COL6A1: variants seen among roughly 807,000 people sequenced by gnomAD.
The protein encoded by COL6A1 is collagen alpha-1(VI) chain.
COL6A1 carries 80 observed loss-of-function variants against 145.6 expected under a neutral mutation model. That is an observed-to-expected ratio of 0.55 (90% confidence interval 0.46 to 0.66). COL6A1 has a LOEUF of 0.66. Ranked by LOEUF, COL6A1 falls within the 30% of genes least tolerant of loss-of-function variation. The pLI is 0.00. For missense variants in COL6A1, 1,364 were observed against 1,473.8 expected (o/e 0.93, Z 1.22); for synonymous variants, 638 against 622.8 (o/e 1.02, Z -0.36).
rs763085805 is a variant in COL6A1, at chr21:45,994,849, C to T, written c.1398+620C>T. ...TTGCATCCTCCCGGAGCTCACCTGC[C>T]CCACGGGGACAGGAAGGCCTCCACA... On this transcript the variant is annotated intron_variant, in intron 20 of 34. Transcript: ENST00000361866. The surrounding 1 kb of genome is among the most constrained non-coding windows in gnomAD (Gnocchi z 6.8). 1.3e-5 allele frequency among the ~76,000 whole-genome samples: 2 copies of T among 152,188 alleles called. No individual in the cohort carries two copies. The highest frequency in any genetic ancestry group is 2.9e-5 in the Non-Finnish European group (2 of 68,030).
At position 45,982,821 on chromosome 21, in the gene COL6A1, G is replaced by T. The variant is rs1223739922; in HGVS notation, c.227+58G>T. The T allele has an allele frequency of 5.6e-6, 9 of 1,601,568 alleles. No homozygotes were observed. The East Asian group carries it at 1.1e-4, about 20-fold the overall frequency. The stretch of plus-strand genomic sequence containing the variant: ...GCTTCTGGGCCTCTTGGAGGGAGGG[G>T]TGGGGGCCCAGGGGAACACGGGTGC... On this transcript the variant is annotated intron_variant, in intron 2 of 34. Coordinates refer to ENST00000361866, the MANE Select transcript of COL6A1 (RefSeq NM_001848.3).
rs758377899 is a variant in COL6A1 at position 45,999,231 on chromosome 21, G to C, written c.1740+13G>C. The C allele has an allele frequency of 6.3e-7, 1 of 1,584,380 alleles. No homozygotes were observed. The highest frequency in any genetic ancestry group is 1.1e-5 in the South Asian group (1 of 87,044). On this transcript the variant is annotated intron_variant, in intron 26 of 34. Coordinates refer to ENST00000361866, the MANE Select transcript of COL6A1 (RefSeq NM_001848.3). ...CGAGGGCCCCCAGGTGGGTGGATGT[G>C]GCTGGGTGAGGCCACGGTGGGCTGT...
Position 46,004,255 on chromosome 21 carries a change from C to T in COL6A1, c.*242C>T, listed in dbSNP as rs1486426549. Reference sequence around the variant, plus strand: ...GGGGCTCAGCCCTGAGCTAGTGTCACCTGCACAGGGCCCTCTGAGGCTCAG... The same window carrying T: ...GGGGCTCAGCCCTGAGCTAGTGTCATCTGCACAGGGCCCTCTGAGGCTCAG... On this transcript the variant is annotated 3_prime_UTR_variant, in exon 35 of 35. Coordinates refer to ENST00000361866, the MANE Select transcript of COL6A1 (RefSeq NM_001848.3). The T allele has an allele frequency of 5.1e-6, 3 of 592,512 alleles. No homozygotes were observed. The highest frequency in any genetic ancestry group is 8.9e-6 in the Non-Finnish European group (3 of 336,154). 36.7% of individuals were successfully genotyped at this position (592,512 alleles called of 1,614,324 possible). A position where few individuals can be genotyped will look rare whatever the true frequency, so the allele number is the denominator to read the frequency against.
chr21:45,989,140 G>A lies in COL6A1; in HGVS notation c.858+3G>A, dbSNP rs970984813. ...AGAAGGGAGAAGCCGGAGATCCTGT[G>A]AGTGCCTGACTGTGGGGTGGGGGCC... On this transcript the variant is annotated splice_donor_region_variant and intron_variant, in intron 9 of 34. Transcript: ENST00000361866. 6.2e-7 allele frequency: 1 copy of A among 1,606,040 alleles called. No homozygotes were observed. The highest frequency in any genetic ancestry group is 8.5e-7 in the Non-Finnish European group (1 of 1,177,062).
In COL6A1 at chr21:45,994,180, C is replaced by G. The variant is rs759834554; in HGVS notation, c.1349C>G (p.Pro450Arg). ...GPRGDPGEAG[P>R]QGDQGREGPV... ...GTTTCTCTTCAGGGTGAAGCTGGCCCGCAGGGTGATCAGGGAAGAGAAGGC... is the reference window on the plus strand; with the variant it reads ...GTTTCTCTTCAGGGTGAAGCTGGCCGGCAGGGTGATCAGGGAAGAGAAGGC... The change falls in exon 20 of 35, where the codon CCG becomes CGG. Residue 450 changes from proline to arginine, a missense_variant. Coordinates refer to ENST00000361866, the MANE Select transcript of COL6A1 (RefSeq NM_001848.3). This position sits in a 1 kb window ranked among gnomAD's most constrained non-coding sequence, Gnocchi z 6.8. 3 of 1,604,498 alleles carry G rather than the reference C, an allele frequency of 1.9e-6. No homozygotes were observed. In the South Asian group the frequency reaches 3.4e-5, roughly 18 times the overall value.
Position 45,987,592 on chromosome 21 carries a change from G to C in COL6A1, c.760-18G>C. 8 of 1,612,414 alleles carry C rather than the reference G, an allele frequency of 5.0e-6. No homozygotes were observed. The highest frequency in any genetic ancestry group is 6.8e-6 in the Non-Finnish European group (8 of 1,179,936). Reference sequence around the variant, plus strand: ...CCTGAGTCTGGGGTCCTGGCTGACCGTCCCCTCTGCCTTGCAGCCTGCAAG... The same window carrying C: ...CCTGAGTCTGGGGTCCTGGCTGACCCTCCCCTCTGCCTTGCAGCCTGCAAG... On this transcript the variant is annotated intron_variant, in intron 7 of 34. Transcript: ENST00000361866.
chr21:46,000,544 C>T (rs571952119), intron 28 of COL6A1, among the ~76,000 whole-genome samples, 177 bp downstream of exon 28: 7 of 152,316 alleles, frequency 4.6e-5, no homozygotes, highest in African/African-American at 1.2e-4. Context: ...CCCGGGTCCC[C>T]GCACAGGCTG....
rs1569518148 is a variant in COL6A1, at chr21:45,989,788, G to GCT, written c.930+12_930+13dup. The GCT allele has an allele frequency of 6.2e-7, 1 of 1,612,844 alleles. No homozygotes were observed. ...GAGCCGTGGGGAGAAGGTGAGTGAG[G>GCT]CTCGACCTCGGAGCTGGTCTCTCCA... On this transcript the variant is annotated intron_variant, in intron 11 of 34. Transcript: ENST00000361866.
At chr21:45,983,116 CG>C (rs2077717805) in intron 2 of COL6A1, among the ~76,000 whole-genome samples, 1 of 152,248 alleles carries the variant, frequency 6.6e-6, no homozygotes, top group Non-Finnish European at 1.5e-5. Flanking sequence ...GGCCCAGACA[CG>C]CAGTCCTGCC....
intron 20 of COL6A1, among the ~76,000 whole-genome samples, chr21:45,995,200 G>A (rs866167410): frequency 2.0e-4 from 30 of 152,360 alleles, no homozygotes; most frequent in Middle Eastern, 3.4e-3. Context: ...GGTCTGGGCC[G>A]TTCGTCCACC....
At chr21:46,001,891 A>G in intron 30 of COL6A1, 70 bp from the exon 31 acceptor site, 2 of 1,380,588 alleles carry the variant, frequency 1.4e-6, no homozygotes, top group Non-Finnish European at 2.0e-6. Context: ...CAGCCAATAG[A>G]GTCACCCTTG....
In COL6A1 at chr21:45,990,290, C is replaced by T. The variant is rs374926748; in HGVS notation, c.957+6C>T. 128 of 1,612,776 alleles carry T rather than the reference C, an allele frequency of 7.9e-5. No individual in the cohort carries two copies. The highest frequency in any genetic ancestry group is 6.3e-4 in the Admixed American group (38 of 60,008). Reference sequence around the variant, plus strand: ...GGGGACCCAAGGGCTACAAGGTGAGCGTGGGCTGCTGGGAGGGGGGAGTTC... The same window carrying T: ...GGGGACCCAAGGGCTACAAGGTGAGTGTGGGCTGCTGGGAGGGGGGAGTTC... On this transcript the variant is annotated splice_donor_region_variant and intron_variant, in intron 12 of 34. Coordinates refer to ENST00000361866, the MANE Select transcript of COL6A1 (RefSeq NM_001848.3).
Position 46,004,394 on chromosome 21 carries a change from T to G in COL6A1, c.*381T>G. 2.8e-6 allele frequency: 1 copy of G among 353,904 alleles called. No individual in the cohort carries two copies. Among genetic ancestry groups the G allele is most frequent in the South Asian group, 2.6e-5 (1 of 37,738 alleles). The allele number at this position is 353,904 out of a possible 1,614,324, so 21.9% of individuals were successfully genotyped here. A position where few individuals can be genotyped will look rare whatever the true frequency, so the allele number is the denominator to read the frequency against. ...CTGCCCTCCTGCCCGCCCTCCCTCC[T>G]GCCTGCGCAGCTCCTTCCCTAGGCA... is the stretch of plus-strand genomic sequence containing the variant. On this transcript the variant is annotated 3_prime_UTR_variant, in exon 35 of 35. Coordinates refer to ENST00000361866, the MANE Select transcript of COL6A1 (RefSeq NM_001848.3).
chr21:45,999,774 T>G, intron 27 of COL6A1, 82 bp downstream of exon 27: 15 of 823,226 alleles, frequency 1.8e-5, no homozygotes, highest in Non-Finnish European at 2.4e-5. Flanking sequence ...CCATGGGTGC[T>G]CCTGTAGACG....
At chr21:45,987,102 C>T (rs770861683) in intron 5 of COL6A1, 30 bp downstream of exon 5, 35 of 1,567,760 alleles carry the variant, frequency 2.2e-5, no homozygotes, top group African/African-American at 4.1e-5. Flanking sequence ...GACGGGGAGG[C>T]CCGCGGCGGC....
intron 27 of COL6A1, 87 bp downstream of exon 27, chr21:45,999,779 T>G (rs2077827752): frequency 3.0e-6 from 3 of 986,194 alleles, no homozygotes; most frequent in Non-Finnish European, 2.9e-6. Flanking sequence ...GGTGCTCCTG[T>G]AGACGCTGCT....
chr21:46,002,048 C>T lies in COL6A1; in HGVS notation c.2044C>T (p.Arg682Trp), dbSNP rs777378283. 28 of 1,611,992 alleles carry T rather than the reference C, an allele frequency of 1.7e-5. No homozygotes were observed. In the African/African-American group the frequency reaches 1.9e-4, roughly 11 times the overall value. ...CGTGAGCCTGCGCAGCCCCAGCATC[C>T]GGAACGTGCAGGAGCTCAAGGAGTG... The part of the protein sequence containing the change: ...EHVSLRSPSI[R>W]NVQELKEAIK... The change falls in exon 31 of 35, where the codon CGG (arginine) becomes TGG (tryptophan). Residue 682 changes from arginine to tryptophan, a missense_variant. Physicochemically the swap from Arg to Trp is moderately radical, Grantham distance 101. This residue lies in a region of COL6A1 where 938 missense variants were observed against 1,003.8 expected (regional missense o/e 0.93). Coordinates refer to ENST00000361866, the MANE Select transcript of COL6A1 (RefSeq NM_001848.3).
intron 31 of COL6A1, 21 bp from the exon 32 acceptor site, chr21:46,002,197 T>C: frequency 2.5e-6 from 4 of 1,589,396 alleles, no homozygotes; most frequent in Non-Finnish European, 3.4e-6. Context: ...CAACCGGCCC[T>C]TCCTGCCCTT....
In COL6A1 at chr21:45,986,455, C is replaced by T. The variant is rs1049577216; in HGVS notation, c.429-71C>T. ...CGGTGAGACAGGGACCAGCACCTCCCGGACAGGCTTGGGTCTCCCTCCAGT... is the reference window on the plus strand; with the variant it reads ...CGGTGAGACAGGGACCAGCACCTCCTGGACAGGCTTGGGTCTCCCTCCAGT... On this transcript the variant is annotated intron_variant, in intron 3 of 34. Transcript: ENST00000361866. The T allele has an allele frequency of 3.5e-5, 52 of 1,491,864 alleles. No individual in the cohort carries two copies. The Middle Eastern group carries it at 5.2e-4, about 15-fold the overall frequency. The allele number at this position is 1,491,864 out of a possible 1,614,324, so 92.4% of individuals were successfully genotyped here. A position where few individuals can be genotyped will look rare whatever the true frequency, so the allele number is the denominator to read the frequency against.
Sources: gnomAD v4.1 joint callset for allele counts (sites outside exome capture counted in the v4.1 genomes callset) on GRCh38, gnomAD v4.1.1 for gene constraint, gnomAD v4.1.1 regional missense constraint, Gnocchi (gnomAD v3.1) non-coding constraint, MANE v1.5 for transcripts, NCBI Gene and HGNC (gene_info 2026-07-23, HGNC 2026-07-21) for gene names.